ANKRD17: variants seen among roughly 807,000 people sequenced by gnomAD.
The protein encoded by ANKRD17 is ankyrin repeat domain 17, also known as ankyrin repeat domain-containing protein 17.
In ANKRD17, 19 loss-of-function variants were observed where a neutral mutation model predicts 229.7. That is an observed-to-expected ratio of 0.08 (90% CI 0.06 to 0.12). The LOEUF (loss-of-function observed/expected upper bound fraction) is 0.12. Among genes scored for constraint, ANKRD17 ranks in the 10% least tolerant of loss-of-function variants. ANKRD17 has a pLI of 1.00. For synonymous variants in ANKRD17, 1,112 were observed against 1,146.1 expected, an observed-to-expected ratio of 0.97 and a Z score of 0.60; for missense variants, 2,176 against 3,176.8, an observed-to-expected ratio of 0.68 and a Z score of 7.57.
chr4:73,084,479 T>C (rs2110116159), intron 30 of ANKRD17, among the ~76,000 whole-genome samples: 1 of 151,104 alleles, frequency 6.6e-6, no homozygotes, highest in Middle Eastern at 3.4e-3. Flanking sequence ...GATGAAGTCT[T>C]GCTCTGTTGC....
intron 8 of ANKRD17, among the ~76,000 whole-genome samples, chr4:73,148,452 C>A (rs914521498): frequency 6.6e-6 from 1 of 152,146 alleles, no homozygotes; most frequent in Non-Finnish European, 1.5e-5. Context: ...AACATTAGAT[C>A]TATTAAATAC....
intron 29 of ANKRD17, among the ~76,000 whole-genome samples, chr4:73,085,680 C>T (rs1453297435): frequency 6.9e-6 from 1 of 144,918 alleles, no homozygotes; most frequent in East Asian, 2.0e-4. Flanking sequence ...GAGACCCCAC[C>T]TCAAAAAAAA....
In ANKRD17 at chr4:73,139,648, G is replaced by C. The variant is rs912792623; in HGVS notation, c.2968C>G (p.Leu990Val). 6.2e-7 allele frequency: 1 copy of C among 1,614,014 alleles called. No homozygotes were observed. Among genetic ancestry groups the C allele is most frequent in the Non-Finnish European group, 8.5e-7 (1 of 1,180,028 alleles). The change falls in exon 15 of 34, where the codon CTG (leucine) becomes GTG (valine). Residue 990 changes from leucine to valine, a missense_variant. This residue lies in a region of ANKRD17 where 230 missense variants were observed against 252.3 expected (regional missense o/e 0.91). Transcript: ENST00000358602. ...AGCCCTGCCAACTGTGCTTGGCCCA[G>C]TACTGGCTGTCCAACTATCACTCCT... ...LQGVIVGQPV[L>V]GQAQLAGLGQ...
intron 1 of ANKRD17, among the ~76,000 whole-genome samples, chr4:73,252,294 T>C (rs897577694): frequency 2.7e-4 from 41 of 152,304 alleles, no homozygotes; most frequent in African/African-American, 8.9e-4. Context: ...AACATGAAGA[T>C]ATAAGAGAAA....
intron 23 of ANKRD17, 119 bp from the exon 24 acceptor site, chr4:73,114,027 A>AG (rs1476606985): frequency 1.6e-6 from 1 of 643,034 alleles, no homozygotes; most frequent in Non-Finnish European, 2.7e-6. Context: ...GATCCATGAA[A>AG]GGGGGAAAAA....
intron 1 of ANKRD17, among the ~76,000 whole-genome samples, chr4:73,198,188 T>C (rs533622081): frequency 2.6e-5 from 4 of 152,322 alleles, no homozygotes; most frequent in East Asian, 3.9e-4. Context: ...ATTCACATTA[T>C]AGAAGCATTA....
chr4:73,112,960 G>A (rs906781068), intron 24 of ANKRD17: 6 of 490,456 alleles, frequency 1.2e-5, no homozygotes, highest in African/African-American at 8.4e-5. Flanking sequence ...GCTAATTTTC[G>A]TATTTTTGGT....
chr4:73,240,933 C>A (rs1011560000), intron 1 of ANKRD17, among the ~76,000 whole-genome samples: 2 of 151,462 alleles, frequency 1.3e-5, no homozygotes, highest in African/African-American at 4.9e-5. Context: ...CTCAGCCTCC[C>A]GAGTAGCTGG....
intron 25 of ANKRD17, among the ~76,000 whole-genome samples, chr4:73,101,696 A>G (rs1279932338): frequency 6.7e-6 from 1 of 149,256 alleles, no homozygotes; most frequent in Non-Finnish European, 1.5e-5. Context: ...TTATAGGCGC[A>G]ATGTCAGGAT....
chr4:73,118,880 C>T (rs75943594), intron 21 of ANKRD17, 30 bp from the exon 22 acceptor site: 2,964 of 803,594 alleles, frequency 3.7e-3, no homozygotes, highest in Non-Finnish European at 4.1e-3. Flanking sequence ...ATAGCATTGT[C>T]TTTTTTTTTT....
At chr4:73,250,691 G>A (rs902274318) in intron 1 of ANKRD17, among the ~76,000 whole-genome samples, 1 of 144,246 alleles carries the variant, frequency 6.9e-6, no homozygotes, top group Non-Finnish European at 1.5e-5. Context: ...AACGGTTTTT[G>A]TTGTTGTTGT....
At chr4:73,120,062 A>G in intron 21 of ANKRD17, 100 bp downstream of exon 21, 1 of 1,308,948 alleles carries the variant, frequency 7.6e-7, no homozygotes, top group Non-Finnish European at 1.1e-6. Context: ...AAAAGAAGAA[A>G]TAATCACATT....
intron 2 of ANKRD17, among the ~76,000 whole-genome samples, chr4:73,169,319 G>A (rs1242726936): frequency 2.0e-5 from 3 of 152,112 alleles, no homozygotes; most frequent in African/African-American, 7.2e-5. Context: ...TAAACAGTGA[G>A]TGGGAGGGAC....
chr4:73,146,784 G>A lies in ANKRD17; in HGVS notation c.1849C>T (p.Leu617Phe). Residue 617 changes from leucine to phenylalanine, a missense_variant, in exon 10 of 34, where the codon CTT becomes TTT. Leu to Phe is a conservative substitution (Grantham distance 22). Coordinates refer to ENST00000358602, the MANE Select transcript of ANKRD17 (RefSeq NM_032217.5). ...CTTACCAGATCTGCGCCTGCCTGAAGTAAGACATCTGCTACATCAGTATGA... is the reference window on the plus strand; with the variant it reads ...CTTACCAGATCTGCGCCTGCCTGAAATAAGACATCTGCTACATCAGTATGA... Reference protein sequence around the residue: ...NGHTDVADVLLQAGADLEHES... With the variant: ...NGHTDVADVLFQAGADLEHES... The A allele has an allele frequency of 6.2e-7, 1 of 1,609,986 alleles. No homozygotes were observed. The highest frequency in any genetic ancestry group is 8.5e-7 in the Non-Finnish European group (1 of 1,177,452).
chr4:73,234,325 T>A (rs371801043), intron 1 of ANKRD17, among the ~76,000 whole-genome samples: 15 of 152,212 alleles, frequency 9.9e-5, no homozygotes, highest in African/African-American at 2.9e-4. Context: ...GATTAAACAT[T>A]ACGTATTCTT....
At chr4:73,154,480 T>C (rs1731385474) in intron 5 of ANKRD17, among the ~76,000 whole-genome samples, 2 of 151,904 alleles carry the variant, frequency 1.3e-5, no homozygotes, top group Admixed American at 1.3e-4. Context: ...CTTCACAAGC[T>C]TTTTTTTAAT....
intron 29 of ANKRD17, among the ~76,000 whole-genome samples, chr4:73,086,519 A>G (rs963305867): frequency 4.6e-5 from 7 of 152,138 alleles, no homozygotes; most frequent in Non-Finnish European, 1.0e-4. Flanking sequence ...CTATTACACA[A>G]GTAACCTATC....
chr4:73,177,322 T>G lies in ANKRD17; in HGVS notation c.547+58A>C, dbSNP rs111644890. On this transcript the variant is annotated intron_variant, in intron 2 of 33. Transcript: ENST00000358602. ...ATTCATTTTTAACAAGAGCTTTTAT[T>G]AGATTGATGTGCAACTTTACATAAC... 1.6e-5 allele frequency: 22 copies of G among 1,386,544 alleles called. No individual in the cohort carries two copies. The African/African-American group carries it at 1.9e-4, about 12-fold the overall frequency. 85.9% of individuals were successfully genotyped at this position (1,386,544 alleles called of 1,614,324 possible).
At chr4:73,139,007 A>AGTTT (rs1163012801) in intron 15 of ANKRD17, among the ~76,000 whole-genome samples, 1 of 151,848 alleles carries the variant, frequency 6.6e-6, no homozygotes, top group Non-Finnish European at 1.5e-5. Flanking sequence ...AGTATAATTA[A>AGTTT]ACCCTATTTG....
Sources: allele counts gnomAD v4.1 joint callset (sites outside exome capture counted in the v4.1 genomes callset), GRCh38; gene constraint gnomAD v4.1.1; regional missense constraint gnomAD v4.1.1; transcripts MANE v1.5; gene names NCBI Gene and HGNC (gene_info 2026-07-23, HGNC 2026-07-21).